Variants in ANO1 observed in about 807,000 individuals in gnomAD.
The protein encoded by ANO1 is anoctamin-1.
Under a neutral mutation model 124.0 loss-of-function variants are expected in ANO1, and 59 were observed. The ratio of observed to expected loss-of-function variants is 0.48; its 90% CI spans 0.39 to 0.59. The LOEUF is 0.59. ANO1 is among the 20% of genes least tolerant of loss of function. The pLI is 0.00. For synonymous variants in ANO1, 529 were observed against 532.0 expected, an observed-to-expected ratio of 0.99 and a Z score of 0.08; for missense variants, 1,059 against 1,328.0, an observed-to-expected ratio of 0.80 and a Z score of 3.15.
At chr11:70,020,431 G>A (rs1856781388) in intron 1 of ANO1, among the ~76,000 whole-genome samples, 1 of 152,118 alleles carries the variant, frequency 6.6e-6, no homozygotes, top group African/African-American at 2.4e-5. Context: ...GAAAGAGTCA[G>A]ACTGGTCCAC....
intron 1 of ANO1, among the ~76,000 whole-genome samples, chr11:70,019,324 ACACG>A (rs369475450): frequency 6.9e-6 from 1 of 145,334 alleles, no homozygotes; most frequent in Non-Finnish European, 1.5e-5. Flanking sequence ...ACATGCACAC[ACACG>A]CACGCACACA....
At chr11:70,035,419 T>C (rs1555004269) in intron 1 of ANO1, among the ~76,000 whole-genome samples, 1 of 152,178 alleles carries the variant, frequency 6.6e-6, no homozygotes, top group Non-Finnish European at 1.5e-5. Context: ...TAATAATTCA[T>C]TACTTTGTAG....
intron 2 of ANO1, among the ~76,000 whole-genome samples, chr11:70,091,625 C>T (rs187049364): frequency 3.9e-4 from 60 of 152,320 alleles, no homozygotes; most frequent in Non-Finnish European, 6.9e-4. Flanking sequence ...ATGAGCAAGA[C>T]GGTCCCCTGA....
intron 11 of ANO1, among the ~76,000 whole-genome samples, chr11:70,148,172 A>G (rs1427363600): frequency 6.6e-6 from 1 of 151,924 alleles, no homozygotes; most frequent in Non-Finnish European, 1.5e-5. Context: ...ACATTTGTGA[A>G]TTCACTCTGC....
intron 1 of ANO1, among the ~76,000 whole-genome samples, chr11:70,006,924 C>T (rs1462340610): frequency 6.6e-6 from 1 of 152,044 alleles, no homozygotes; most frequent in Non-Finnish European, 1.5e-5. Context: ...CCCGCCTCGG[C>T]CTCCCAAAGT....
chr11:70,143,171 G>A (rs1214948464), intron 11 of ANO1, among the ~76,000 whole-genome samples: 4 of 152,158 alleles, frequency 2.6e-5, no homozygotes, highest in Non-Finnish European at 5.9e-5. Flanking sequence ...CTTGGAAGAC[G>A]CGACCCCTGC....
At chr11:70,063,549 A>G (rs1333430002) in intron 1 of ANO1, 1 of 152,174 alleles carries the variant, frequency 6.6e-6, no homozygotes, top group Non-Finnish European at 1.5e-5. Flanking sequence ...TTGGTGCCTC[A>G]TTACACATGG....
intron 1 of ANO1, among the ~76,000 whole-genome samples, chr11:70,081,288 G>A (rs1040046482): frequency 6.6e-6 from 1 of 152,116 alleles, no homozygotes; most frequent in Non-Finnish European, 1.5e-5. Context: ...GAAACTGGTG[G>A]TTGTCCATGG....
intron 11 of ANO1, among the ~76,000 whole-genome samples, chr11:70,139,473 G>A (rs1387031409): frequency 2.0e-5 from 3 of 152,138 alleles, no homozygotes; most frequent in East Asian, 1.9e-4. Context: ...ATAGCCGCCC[G>A]CCACCACGCC....
chr11:69,994,702 A>C (rs1422421131), intron 1 of ANO1, among the ~76,000 whole-genome samples: 1 of 152,190 alleles, frequency 6.6e-6, no homozygotes. Flanking sequence ...GTCACATCAA[A>C]AATAGACCCA....
rs12799455 is a variant in ANO1 at position 70,087,742 on chromosome 11, C to T, written c.109-10C>T. The T allele has an allele frequency of 6.4e-7, 1 of 1,571,886 alleles. No individual in the cohort carries two copies. The highest frequency in any genetic ancestry group is 8.6e-7 in the Non-Finnish European group (1 of 1,156,370). On this transcript the variant is annotated splice_polypyrimidine_tract_variant and intron_variant, in intron 1 of 25. Coordinates refer to ENST00000355303, the MANE Select transcript of ANO1 (RefSeq NM_018043.7). The stretch of plus-strand genomic sequence containing the variant: ...CGATGGTGAATGGGTGTCTTTTCTT[C>T]CACCCTTAGCTGCTGAACTCCTTAT...
Position 70,078,707 on chromosome 11 carries a change from A to T in ANO1, c.101A>T (p.Glu34Val). 2 of 1,483,442 alleles carry T rather than the reference A, an allele frequency of 1.3e-6. No homozygotes were observed. The highest frequency in any genetic ancestry group is 2.4e-5 in the South Asian group (2 of 84,554). 91.9% of individuals were successfully genotyped at this position (1,483,442 alleles called of 1,614,324 possible). ...GAGGACATCGGCTACCTGCCGTCCG[A>T]GGGCACGGTGAGTGCGGGCGGCCGC... The part of the protein sequence containing the change: ...AIEDIGYLPS[E>V]GTLLNSLSVD... The change falls in exon 1 of 26, where the codon GAG becomes GTG. Residue 34 changes from glutamate to valine, a missense_variant. By Grantham distance (121) the Glu-to-Val change is moderately radical. This residue lies in a region of ANO1 where 250 missense variants were observed against 233.1 expected (regional missense o/e 1.07). Coordinates refer to ENST00000355303, the MANE Select transcript of ANO1 (RefSeq NM_018043.7).
the ANO1 span, among the ~76,000 whole-genome samples, chr11:69,978,648 G>C: frequency 1.3e-5 from 2 of 152,320 alleles, no homozygotes; most frequent in Non-Finnish European, 1.5e-5. Context: ...ACCGCACCCT[G>C]CCCAGGCCTC....
intron 17 of ANO1, 111 bp downstream of exon 17, chr11:70,161,473 C>T: frequency 1.4e-6 from 2 of 1,428,688 alleles, no homozygotes; most frequent in Non-Finnish European, 9.7e-7. Context: ...CCCCAGCTCC[C>T]TGGTTCTCAA....
intron 1 of ANO1, among the ~76,000 whole-genome samples, chr11:69,992,567 G>A (rs1038079456): frequency 6.6e-6 from 1 of 152,162 alleles, no homozygotes; most frequent in Non-Finnish European, 1.5e-5. Context: ...GATGCTGAGA[G>A]AAAAGGCCTA....
intron 1 of ANO1, among the ~76,000 whole-genome samples, chr11:70,043,902 T>C (rs1369633546): frequency 1.3e-5 from 2 of 152,130 alleles, no homozygotes; most frequent in Non-Finnish European, 1.5e-5. Context: ...AGAATTAGTA[T>C]ATAATAATAA....
At chr11:70,103,035 C>A (rs79280450) in intron 2 of ANO1, 31 bp from the exon 3 acceptor site, 38 of 1,420,822 alleles carry the variant, frequency 2.7e-5, no homozygotes, top group Non-Finnish European at 3.6e-5. Context: ...CACCGCCCCC[C>A]CTCAACCCAG....
chr11:70,040,303 G>A (rs1478776125), intron 1 of ANO1, among the ~76,000 whole-genome samples: 1 of 152,158 alleles, frequency 6.6e-6, no homozygotes, highest in East Asian at 1.9e-4. Flanking sequence ...TTGATGTGCA[G>A]CAAGAGAAAG....
chr11:70,004,267 G>C (rs1856441796), intron 1 of ANO1, among the ~76,000 whole-genome samples: 1 of 148,758 alleles, frequency 6.7e-6, no homozygotes, highest in South Asian at 2.2e-4. Flanking sequence ...GTGAGATGTA[G>C]TCCAGAACAC....
Sources: gnomAD v4.1 joint callset for allele counts (sites outside exome capture counted in the v4.1 genomes callset) on GRCh38, gnomAD v4.1.1 for gene constraint, gnomAD v4.1.1 regional missense constraint, MANE v1.5 for transcripts, NCBI Gene and HGNC (gene_info 2026-07-23, HGNC 2026-07-21) for gene names.